Variants in SORCS2 observed in about 807,000 individuals in gnomAD.
SORCS2 encodes sortilin related VPS10 domain containing receptor 2, also known as VPS10 domain-containing receptor SorCS2.
A neutral mutation model predicts 141.6 loss-of-function variants in SORCS2; 100 were observed. That is an observed-to-expected ratio of 0.71 (90% CI 0.60 to 0.83). The LOEUF (loss-of-function observed/expected upper bound fraction) is 0.83, where lower values mean the gene tolerates loss of function less well. Ranked by LOEUF, SORCS2 falls within the 40% of genes least tolerant of loss-of-function variation. The pLI is 0.00. For synonymous variants in SORCS2, 789 were observed against 676.9 expected (o/e 1.17, Z -2.57); for missense variants, 1,646 against 1,560.2 (o/e 1.05, Z -0.93).
chr4:7,314,993 A>C (rs535906494), intron 1 of SORCS2, among the ~76,000 whole-genome samples: 1 of 152,028 alleles, frequency 6.6e-6, no homozygotes, highest in East Asian at 1.9e-4. Context: ...CACCATGCCC[A>C]GTTAATTTTT....
chr4:7,549,204 G>C lies in SORCS2; in HGVS notation c.648+17575G>C, dbSNP rs73214645. 9.2e-3 allele frequency among the ~76,000 whole-genome samples: 1,407 copies of C among 152,124 alleles called. 10 individuals are homozygous for C. The highest frequency in any genetic ancestry group is 0.027 in the Middle Eastern group (8 of 294). Reference sequence around the variant, plus strand: ...TGGTACATTTCTTCTATCTCTACTGGTTTTTTATTAAAAAAAGAAAACATT... The same window carrying C: ...TGGTACATTTCTTCTATCTCTACTGCTTTTTTATTAAAAAAAGAAAACATT... On this transcript the variant is annotated intron_variant, in intron 3 of 26. Coordinates refer to ENST00000507866, the MANE Select transcript of SORCS2 (RefSeq NM_020777.3).
intron 3 of SORCS2, among the ~76,000 whole-genome samples, chr4:7,589,683 G>A (rs1296218353): frequency 2.6e-5 from 4 of 152,216 alleles, no homozygotes; most frequent in African/African-American, 7.2e-5. Context: ...TTACAGGCGT[G>A]AGCCACCGCA....
chr4:7,570,465 G>A (rs776408364), intron 3 of SORCS2, among the ~76,000 whole-genome samples: 79 of 152,330 alleles, frequency 5.2e-4, no homozygotes, highest in Admixed American at 1.9e-3. Context: ...GGCTGGAGGC[G>A]CCCCCAGCAG....
chr4:7,514,493 T>C (rs555382278), intron 2 of SORCS2, among the ~76,000 whole-genome samples: 3 of 151,726 alleles, frequency 2.0e-5, no homozygotes, highest in South Asian at 2.1e-4. Context: ...GTGCTATGAA[T>C]AGAGGCCAAG....
intron 1 of SORCS2, among the ~76,000 whole-genome samples, chr4:7,291,844 G>T (rs1355960722): frequency 3.9e-5 from 6 of 152,214 alleles, no homozygotes; most frequent in Non-Finnish European, 8.8e-5. Context: ...GTTTTCCAAG[G>T]TCACCTAGCC....
chr4:7,447,301 G>A (rs141061908), intron 2 of SORCS2, among the ~76,000 whole-genome samples: 3 of 152,290 alleles, frequency 2.0e-5, no homozygotes, highest in African/African-American at 7.2e-5. Flanking sequence ...GCCTGTGTGA[G>A]CTGACTTCTG....
intron 1 of SORCS2, among the ~76,000 whole-genome samples, chr4:7,379,406 G>A (rs990121686): frequency 6.6e-6 from 1 of 152,190 alleles, no homozygotes; most frequent in Non-Finnish European, 1.5e-5. Context: ...CACGAGAGGC[G>A]TATTCAGATA....
chr4:7,613,833 A>G (rs1449486109), intron 3 of SORCS2, among the ~76,000 whole-genome samples: 2 of 151,748 alleles, frequency 1.3e-5, no homozygotes, highest in Admixed American at 1.3e-4. Flanking sequence ...CCATCCACCT[A>G]TCCATTCACT....
intron 2 of SORCS2, among the ~76,000 whole-genome samples, chr4:7,506,352 A>G (rs1272862878): frequency 6.6e-6 from 1 of 152,132 alleles, no homozygotes; most frequent in Non-Finnish European, 1.5e-5. Context: ...TATTTGCTCC[A>G]TTGGGGGAAA....
intron 9 of SORCS2, among the ~76,000 whole-genome samples, chr4:7,680,746 A>G (rs763172760): frequency 2.0e-5 from 3 of 152,204 alleles, no homozygotes; most frequent in Non-Finnish European, 4.4e-5. Flanking sequence ...GCCTGTGTTG[A>G]TAAGACCTGG....
chr4:7,457,942 G>T (rs567088067), intron 2 of SORCS2, among the ~76,000 whole-genome samples: 1 of 151,892 alleles, frequency 6.6e-6, no homozygotes, highest in Non-Finnish European at 1.5e-5. Flanking sequence ...GAGAGGCTGC[G>T]GGGCAGGGAC....
intron 3 of SORCS2, among the ~76,000 whole-genome samples, chr4:7,589,396 T>C (rs1192633855): frequency 6.8e-5 from 1 of 14,636 alleles, no homozygotes; most frequent in Non-Finnish European, 1.5e-3. Flanking sequence ...ACCCGTTTTT[T>C]TTGTTTGTTT....
chr4:7,402,170 C>T (rs905059112), intron 2 of SORCS2, among the ~76,000 whole-genome samples: 1 of 152,158 alleles, frequency 6.6e-6, no homozygotes, highest in African/African-American at 2.4e-5. Context: ...ATCTAGCTGT[C>T]ATCAATGTCA....
intron 3 of SORCS2, among the ~76,000 whole-genome samples, chr4:7,595,413 A>G (rs977609822): frequency 1.3e-5 from 2 of 152,074 alleles, no homozygotes; most frequent in South Asian, 2.1e-4. Flanking sequence ...CTCCATCTCC[A>G]ACCCCTCTTC....
At chr4:7,525,458 A>G (rs1432884858) in intron 2 of SORCS2, among the ~76,000 whole-genome samples, 1 of 151,810 alleles carries the variant, frequency 6.6e-6, no homozygotes, top group Non-Finnish European at 1.5e-5. Flanking sequence ...AGACCCCCCA[A>G]CCGTGCTTCA....
intron 1 of SORCS2, among the ~76,000 whole-genome samples, chr4:7,305,697 G>T (rs75289166): frequency 3.3e-5 from 5 of 152,144 alleles, no homozygotes; most frequent in Non-Finnish European, 5.9e-5. Flanking sequence ...CCTGGGCTCC[G>T]TCCACTCCCA....
intron 9 of SORCS2, among the ~76,000 whole-genome samples, chr4:7,676,742 C>CT (rs1723145324): frequency 6.8e-6 from 1 of 146,920 alleles, no homozygotes; most frequent in Non-Finnish European, 1.5e-5. Context: ...CTCCCTCTCT[C>CT]CACCCCCGCC....
chr4:7,644,860 A>G (rs1720971915), intron 4 of SORCS2, among the ~76,000 whole-genome samples: 2 of 152,222 alleles, frequency 1.3e-5, no homozygotes, highest in African/African-American at 2.4e-5. Flanking sequence ...GGATGCACCC[A>G]TGCAGGTTTC....
At chr4:7,687,573 G>T (rs1723957248) in intron 10 of SORCS2, among the ~76,000 whole-genome samples, 1 of 152,096 alleles carries the variant, frequency 6.6e-6, no homozygotes, top group Admixed American at 6.5e-5. Context: ...GCCACCCGAG[G>T]CCCTGTGGTA....
Sources: allele counts gnomAD v4.1 joint callset (sites outside exome capture counted in the v4.1 genomes callset), GRCh38; gene constraint gnomAD v4.1.1; transcripts MANE v1.5; gene names NCBI Gene and HGNC (gene_info 2026-07-23, HGNC 2026-07-21).